The following NUF2 variants were observed in gnomAD, a reference collection of about 807,000 sequenced individuals.
NUF2 encodes NUF2 component of NDC80 kinetochore complex.
In NUF2, 34 loss-of-function variants were observed where a neutral mutation model predicts 61.8. The ratio of observed to expected loss-of-function variants is 0.55; its 90% CI spans 0.42 to 0.73. The LOEUF is 0.73. Among genes scored for constraint, NUF2 ranks in the 30% least tolerant of loss-of-function variants. The pLI is 0.00. For synonymous variants in NUF2, 172 were observed against 181.6 expected (o/e 0.95, Z 0.42); for missense variants, 445 against 539.1 (o/e 0.83, Z 1.73).
chr1:163,348,014 A>T, intron 12 of NUF2, 76 bp downstream of exon 12: 1 of 1,115,018 alleles, frequency 9.0e-7, no homozygotes, highest in Non-Finnish European at 1.2e-6. Context: ...CCAGGATTTC[A>T]AAACCTCGGT....
At chr1:163,336,949 G>GTC in intron 6 of NUF2, 101 bp downstream of exon 6, 1 of 730,848 alleles carries the variant, frequency 1.4e-6, no homozygotes, top group Non-Finnish European at 2.3e-6. Flanking sequence ...GCAAATTGCT[G>GTC]TATTGCCTTT....
chr1:163,350,037 C>T (rs568935790), intron 13 of NUF2, among the ~76,000 whole-genome samples: 2 of 152,006 alleles, frequency 1.3e-5, no homozygotes, highest in South Asian at 4.2e-4. Flanking sequence ...CGCGGTGGCT[C>T]ATGCCTGTAA....
chr1:163,341,269 G>A (rs989315507), intron 9 of NUF2, among the ~76,000 whole-genome samples: 2 of 151,620 alleles, frequency 1.3e-5, no homozygotes, highest in African/African-American at 4.8e-5. Context: ...GAGTGCAGTG[G>A]CGCGATCTTG....
At chr1:163,341,797 T>A (rs1321448142) in intron 9 of NUF2, among the ~76,000 whole-genome samples, 1 of 151,874 alleles carries the variant, frequency 6.6e-6, no homozygotes, top group Non-Finnish European at 1.5e-5. Context: ...CCGGCTAATT[T>A]TTTTGTATTT....
In NUF2 at chr1:163,336,783, A is replaced by G. The variant is rs369351164; in HGVS notation, c.370A>G (p.Ile124Val). 73 of 1,612,816 alleles carry G rather than the reference A, an allele frequency of 4.5e-5. No individual in the cohort carries two copies. The highest frequency in any genetic ancestry group is 5.9e-5 in the Non-Finnish European group (70 of 1,179,228). Residue 124 changes from isoleucine (I) to valine (V), a missense_variant, in exon 6 of 14, where the codon ATT (isoleucine) becomes GTT (valine). By Grantham distance (29) the Ile-to-Val change is conservative (BLOSUM62 3). Coordinates refer to ENST00000271452, the MANE Select transcript of NUF2 (RefSeq NM_145697.3). ...AKRTSRFLSG[I>V]INFIHFREAC... ...ACGGACAAGTCGGTTTTTAAGTGGC[A>G]TTATCAACTTTATTCACTTCAGAGA...
intron 5 of NUF2, among the ~76,000 whole-genome samples, chr1:163,331,506 C>G (rs1331426998): frequency 6.6e-6 from 1 of 151,766 alleles, no homozygotes; most frequent in African/African-American, 2.4e-5. Context: ...CAGGATATAC[C>G]AGTCTCATAC....
chr1:163,339,334 C>T (rs1190269269), intron 7 of NUF2, 47 bp from the exon 8 acceptor site: 3 of 1,158,550 alleles, frequency 2.6e-6, no homozygotes, highest in Non-Finnish European at 1.3e-6. Context: ...TCATTTTAGC[C>T]TTTCAAAAGT....
chr1:163,345,632 TA>T, intron 10 of NUF2, 45 bp from the exon 11 acceptor site: 1 of 1,547,674 alleles, frequency 6.5e-7, no homozygotes, highest in Non-Finnish European at 8.8e-7. Flanking sequence ...TGCAGCTTCA[TA>T]AAGAAGAATA....
At chr1:163,328,424 C>A in intron 4 of NUF2, 120 bp downstream of exon 4, 1 of 582,094 alleles carries the variant, frequency 1.7e-6, no homozygotes, top group African/African-American at 1.9e-5. Context: ...TCATTTCATC[C>A]CATATACATT....
intron 4 of NUF2, chr1:163,328,542 A>G: frequency 2.0e-6 from 1 of 496,066 alleles, no homozygotes; most frequent in Non-Finnish European, 3.5e-6. Context: ...TAAGTCGAAA[A>G]TTGTTTACCG....
intron 13 of NUF2, among the ~76,000 whole-genome samples, chr1:163,352,846 A>C (rs529564864): frequency 6.6e-6 from 1 of 152,202 alleles, no homozygotes; most frequent in East Asian, 1.9e-4. Flanking sequence ...AGCCTGGGCG[A>C]CAGAGCGAGA....
intron 5 of NUF2, among the ~76,000 whole-genome samples, chr1:163,334,481 G>C (rs960909510): frequency 4.6e-5 from 7 of 152,046 alleles, no homozygotes; most frequent in Admixed American, 4.6e-4. Context: ...TTTTTGAAAG[G>C]TATTTTTCTT....
At chr1:163,343,680 T>C (rs1328865548) in intron 9 of NUF2, 53 bp from the exon 10 acceptor site, 1 of 877,684 alleles carries the variant, frequency 1.1e-6, no homozygotes, top group Admixed American at 3.3e-5. Context: ...ATTACTAGAA[T>C]GGTAAATCAC....
chr1:163,327,097 TTC>T (rs1491098202), intron 2 of NUF2, among the ~76,000 whole-genome samples: 13 of 19,774 alleles, frequency 6.6e-4, no homozygotes, highest in African/African-American at 1.1e-3. Context: ...GTTTCCTGTG[TTC>T]ACACACACAC....
At chr1:163,340,302 C>T (rs549412500) in intron 8 of NUF2, 62 bp from the exon 9 acceptor site, 90 of 1,176,992 alleles carry the variant, frequency 7.6e-5, no homozygotes, top group Non-Finnish European at 1.1e-4. Context: ...TATGAGACAG[C>T]AGTGAGTGGC....
chr1:163,342,742 T>G (rs1650988771), intron 9 of NUF2, among the ~76,000 whole-genome samples: 1 of 152,060 alleles, frequency 6.6e-6, no homozygotes, highest in Admixed American at 6.5e-5. Context: ...GTACGAAATG[T>G]GAAAGGCCTT....
intron 2 of NUF2, among the ~76,000 whole-genome samples, 191 bp from the exon 3 acceptor site, chr1:163,327,297 A>G (rs1254237956): frequency 6.6e-6 from 1 of 152,188 alleles, no homozygotes; most frequent in Non-Finnish European, 1.5e-5. Context: ...GACCACTTAT[A>G]TATGAGCAAA....
intron 7 of NUF2, 162 bp from the exon 8 acceptor site, chr1:163,339,219 T>C: frequency 1.8e-6 from 1 of 565,518 alleles, no homozygotes; most frequent in South Asian, 2.4e-5. Flanking sequence ...CTGCCTGTAG[T>C]AGAGGCCAGA....
At chr1:163,328,949 C>A in intron 5 of NUF2, 42 bp downstream of exon 5, 56 of 978,180 alleles carry the variant, frequency 5.7e-5, no homozygotes, top group Non-Finnish European at 8.2e-5. Flanking sequence ...TGGCTTCGAT[C>A]TACCATTTCA....
Sources: gnomAD v4.1 joint callset for allele counts (sites outside exome capture counted in the v4.1 genomes callset) on GRCh38, gnomAD v4.1.1 for gene constraint, MANE v1.5 for transcripts, NCBI Gene and HGNC (gene_info 2026-07-23, HGNC 2026-07-21) for gene names.